RAB2A: variants seen among roughly 807,000 people sequenced by gnomAD.
The protein encoded by RAB2A is ras-related protein Rab-2A.
A neutral mutation model predicts 32.5 loss-of-function variants in RAB2A; 7 were observed. That is an observed-to-expected ratio of 0.22 (90% confidence interval 0.12 to 0.40). The LOEUF is 0.40. Ranked by LOEUF, RAB2A falls within the 10% of genes least tolerant of loss-of-function variation. The pLI is 1.00. For missense variants in RAB2A, 108 were observed against 260.7 expected (o/e 0.41, Z 4.03); for synonymous variants, 79 against 85.2 (o/e 0.93, Z 0.40).
At chr8:60,551,148 G>A (rs1807841736) in intron 1 of RAB2A, among the ~76,000 whole-genome samples, 1 of 152,030 alleles carries the variant, frequency 6.6e-6, no homozygotes, top group African/African-American at 2.4e-5. Flanking sequence ...TCCTTGCCCT[G>A]CTCTGCTTTT....
chr8:60,535,429 C>T (rs1807543127), intron 1 of RAB2A, among the ~76,000 whole-genome samples: 1 of 152,154 alleles, frequency 6.6e-6, no homozygotes, highest in South Asian at 2.1e-4. Context: ...CCAATTCTAC[C>T]AGTAGGATTA....
chr8:60,583,000 C>G (rs763035625), intron 3 of RAB2A, among the ~76,000 whole-genome samples: 1 of 147,652 alleles, frequency 6.8e-6, no homozygotes. Context: ...TGCTATATGC[C>G]GGACCCAGTG....
chr8:60,563,386 C>T (rs1185730515), intron 2 of RAB2A, among the ~76,000 whole-genome samples: 8 of 152,182 alleles, frequency 5.3e-5, no homozygotes. Flanking sequence ...ATCAGTATCA[C>T]GTGGGAGCTT....
At chr8:60,608,725 C>G (rs1014692964) in intron 6 of RAB2A, among the ~76,000 whole-genome samples, 1 of 151,974 alleles carries the variant, frequency 6.6e-6, no homozygotes, top group African/African-American at 2.4e-5. Context: ...ATGTTCAGCT[C>G]CACCCTGACA....
At chr8:60,577,489 C>T (rs965050891) in intron 3 of RAB2A, among the ~76,000 whole-genome samples, 1 of 152,224 alleles carries the variant, frequency 6.6e-6, no homozygotes, top group Non-Finnish European at 1.5e-5. Context: ...ACCACCCTTG[C>T]TGTGTACACT....
chr8:60,620,571 T>C, intron 7 of RAB2A, 103 bp from the exon 8 acceptor site: 1 of 827,848 alleles, frequency 1.2e-6, no homozygotes. Flanking sequence ...TTTTTCTCAG[T>C]TGTTTGATAA....
intron 6 of RAB2A, among the ~76,000 whole-genome samples, chr8:60,601,932 G>A (rs1804140696): frequency 6.6e-6 from 1 of 152,184 alleles, no homozygotes; most frequent in Admixed American, 6.5e-5. Context: ...CTGTCACCCA[G>A]GCTGGGGTAC....
chr8:60,600,211 C>G (rs1804110095), intron 6 of RAB2A, among the ~76,000 whole-genome samples: 1 of 152,128 alleles, frequency 6.6e-6, no homozygotes, highest in African/African-American at 2.4e-5. Context: ...ATTAAAACTT[C>G]AGTAAGCCAG....
chr8:60,549,620 A>T (rs1474520147), intron 1 of RAB2A, among the ~76,000 whole-genome samples: 1 of 151,624 alleles, frequency 6.6e-6, no homozygotes, highest in Non-Finnish European at 1.5e-5. Flanking sequence ...AAGGGGGAGG[A>T]TGTGCACAGG....
chr8:60,542,733 T>A (rs1807666687), intron 1 of RAB2A, among the ~76,000 whole-genome samples: 1 of 152,034 alleles, frequency 6.6e-6, no homozygotes, highest in African/African-American at 2.4e-5. Context: ...GGAAAGAGGG[T>A]AGAGGGTTAG....
At chr8:60,617,541 C>A (rs556554594) in intron 6 of RAB2A, among the ~76,000 whole-genome samples, 3 of 152,100 alleles carry the variant, frequency 2.0e-5, no homozygotes, top group African/African-American at 7.2e-5. Context: ...ATGATGTTTT[C>A]TTTTGAGATA....
chr8:60,559,303 T>G (rs1268750694), intron 2 of RAB2A: 1 of 200,594 alleles, frequency 5.0e-6, no homozygotes, highest in African/African-American at 2.4e-5. Flanking sequence ...TGTCTCAGTT[T>G]CTCTTTCTGT....
chr8:60,525,979 C>A (rs914593649), intron 1 of RAB2A, among the ~76,000 whole-genome samples: 50 of 116,260 alleles, frequency 4.3e-4, no homozygotes, highest in African/African-American at 1.3e-3. Context: ...GTCTATATGT[C>A]TATATGTATA....
intron 6 of RAB2A, among the ~76,000 whole-genome samples, chr8:60,597,506 T>G (rs901996764): frequency 1.3e-5 from 2 of 152,086 alleles, no homozygotes; most frequent in Non-Finnish European, 2.9e-5. Context: ...GATGGATTGA[T>G]GGGTGCAGCA....
chr8:60,551,784 C>G (rs1280331906), intron 1 of RAB2A, among the ~76,000 whole-genome samples: 1 of 151,904 alleles, frequency 6.6e-6, no homozygotes, highest in African/African-American at 2.4e-5. Flanking sequence ...ACCTCAAACT[C>G]CTAGGTTCAA....
chr8:60,590,893 G>A (rs1181489461), intron 5 of RAB2A, among the ~76,000 whole-genome samples: 1 of 151,572 alleles, frequency 6.6e-6, no homozygotes, highest in Non-Finnish European at 1.5e-5. Flanking sequence ...GCATGAGAAT[G>A]AAAACACCAA....
At chr8:60,533,750 A>G (rs1193841558) in intron 1 of RAB2A, among the ~76,000 whole-genome samples, 2 of 152,078 alleles carry the variant, frequency 1.3e-5, no homozygotes, top group Non-Finnish European at 2.9e-5. Context: ...GTGGGTGGAT[A>G]GCTTGAGATC....
intron 3 of RAB2A, among the ~76,000 whole-genome samples, chr8:60,574,806 G>A (rs1219808952): frequency 1.3e-5 from 2 of 152,124 alleles, no homozygotes; most frequent in Admixed American, 6.5e-5. Context: ...ATGCTGGACA[G>A]TATGAGAAAG....
chr8:60,565,676 ATTTTTTTTTTTTTTTTTTTTTTTTT>A (rs71252885), intron 2 of RAB2A, among the ~76,000 whole-genome samples: 34 of 97,700 alleles, frequency 3.5e-4, no homozygotes, highest in Admixed American at 7.6e-4. Flanking sequence ...TCTGTAGCTG[ATTTTTTTTTTTTTTTTTTTTTTTTT>A]TTTTTTTTTT....
Sources: gnomAD v4.1 joint callset for allele counts (sites outside exome capture counted in the v4.1 genomes callset) on GRCh38, gnomAD v4.1.1 for gene constraint, MANE v1.5 for transcripts, NCBI Gene and HGNC (gene_info 2026-07-23, HGNC 2026-07-21) for gene names.